RNF214: variants seen among roughly 807,000 people sequenced by gnomAD.
The protein encoded by RNF214 is ring finger protein 214.
Under a neutral mutation model 75.9 loss-of-function variants are expected in RNF214, and 25 were observed. The ratio of observed to expected loss-of-function variants is 0.33; its 90% CI spans 0.24 to 0.46. The LOEUF (loss-of-function observed/expected upper bound fraction) is 0.46. Among genes scored for constraint, RNF214 ranks in the 20% least tolerant of loss-of-function variants. The pLI is 1.00. For synonymous variants in RNF214, 314 were observed against 308.8 expected, an observed-to-expected ratio of 1.02 and a Z score of -0.18; for missense variants, 725 against 857.5, an observed-to-expected ratio of 0.85 and a Z score of 1.93.
chr11:117,285,327 G>A lies in RNF214; in HGVS notation c.*176G>A, dbSNP rs1203615008. The A allele has an allele frequency of 9.5e-6, 5 of 525,128 alleles. No homozygotes were observed. In the Admixed American group the frequency reaches 1.4e-4, roughly 15 times the overall value. 32.5% of individuals were successfully genotyped at this position (525,128 alleles called of 1,614,324 possible). A position where few individuals can be genotyped will look rare whatever the true frequency, so the allele number is the denominator to read the frequency against. On this transcript the variant is annotated 3_prime_UTR_variant, in exon 15 of 15. Coordinates refer to ENST00000300650, the MANE Select transcript of RNF214 (RefSeq NM_207343.4). ...TTCCAATGTTCGTAAATGAAACTATGTATATTATGCAGAAACAGTCTGTTC... is the reference window on the plus strand; with the variant it reads ...TTCCAATGTTCGTAAATGAAACTATATATATTATGCAGAAACAGTCTGTTC...
At chr11:117,233,053 TCGCC>T (rs2032761747) in intron 1 of RNF214, among the ~76,000 whole-genome samples, 1 of 151,990 alleles carries the variant, frequency 6.6e-6, no homozygotes, top group Non-Finnish European at 1.5e-5. Flanking sequence ...TCCCCTGTTC[TCGCC>T]CGAGGACCCG....
In RNF214 at chr11:117,264,980, A is replaced by G. The variant is rs1314028958; in HGVS notation, c.960-14928A>G. On this transcript the variant is annotated intron_variant, in intron 6 of 14. Transcript: ENST00000300650. ...TACTTGGGGAGGCTGAGGCAGGAGA[A>G]TTGCTTAAACCCAGGAGGCGGAGGT... Among the ~76,000 whole-genome samples the G allele has an allele frequency of 4.0e-5, 6 of 151,774 alleles. No homozygotes were observed. The East Asian group carries it at 7.7e-4, about 20-fold the overall frequency.
At chr11:117,253,516 C>G (rs1202620095) in intron 6 of RNF214, among the ~76,000 whole-genome samples, 1 of 152,168 alleles carries the variant, frequency 6.6e-6, no homozygotes, top group Non-Finnish European at 1.5e-5. Context: ...TCTTCCAGTG[C>G]AGAACCTCTT....
intron 6 of RNF214, among the ~76,000 whole-genome samples, chr11:117,279,702 C>G (rs1465310656): frequency 3.3e-5 from 5 of 152,206 alleles, no homozygotes; most frequent in Admixed American, 1.3e-4. Flanking sequence ...CATTATTTGT[C>G]TGTATCTATA....
intron 6 of RNF214, among the ~76,000 whole-genome samples, chr11:117,248,841 A>G (rs980016654): frequency 6.6e-6 from 1 of 152,230 alleles, no homozygotes; most frequent in Non-Finnish European, 1.5e-5. Flanking sequence ...ACTTAACAGG[A>G]GATATTAAAG....
chr11:117,283,264 A>G, intron 14 of RNF214, 54 bp downstream of exon 14: 6 of 1,238,594 alleles, frequency 4.8e-6, no homozygotes, highest in South Asian at 3.8e-5. Context: ...GACAGCTAAA[A>G]TAATTTTTCT....
chr11:117,244,361 C>G, intron 4 of RNF214, 84 bp from the exon 5 acceptor site: 1 of 1,145,820 alleles, frequency 8.7e-7, no homozygotes, highest in East Asian at 2.4e-5. Flanking sequence ...TCATAGAGCT[C>G]TATACAATGC....
intron 6 of RNF214, chr11:117,263,886 A>C: frequency 3.5e-6 from 1 of 285,086 alleles, no homozygotes; most frequent in South Asian, 3.1e-5. Flanking sequence ...CAGGACACAC[A>C]GCAGTCTCCT....
Position 117,285,153 on chromosome 11 carries a change from G to A in RNF214, c.*2G>A, listed in dbSNP as rs200783392. 6.2e-6 allele frequency: 10 copies of A among 1,603,372 alleles called. No individual in the cohort carries two copies. In the East Asian group the frequency reaches 1.6e-4, roughly 25 times the overall value. On this transcript the variant is annotated 3_prime_UTR_variant, in exon 15 of 15. Transcript: ENST00000300650. ...CCCTTTTGTCCAACTCTTAAATGAC[G>A]GACCTGACTGGGGAGGAAGAAGAAG...
At chr11:117,240,461 G>A (rs1347169939) in intron 4 of RNF214, among the ~76,000 whole-genome samples, 2 of 151,840 alleles carry the variant, frequency 1.3e-5, no homozygotes, top group Non-Finnish European at 2.9e-5. Context: ...GCCAAGGCAG[G>A]TGGATCACCT....
At chr11:117,235,941 G>A (rs2032895915) in intron 2 of RNF214, among the ~76,000 whole-genome samples, 1 of 151,780 alleles carries the variant, frequency 6.6e-6, no homozygotes, top group Non-Finnish European at 1.5e-5. Flanking sequence ...ACATAAAGAG[G>A]CTGACTGTGT....
At chr11:117,272,218 C>A (rs890043579) in intron 6 of RNF214, among the ~76,000 whole-genome samples, 1 of 152,140 alleles carries the variant, frequency 6.6e-6, no homozygotes, top group Non-Finnish European at 1.5e-5. Flanking sequence ...CACAGTGAAA[C>A]CCTGTCTCTA....
chr11:117,244,925 G>A (rs536011106), intron 5 of RNF214, among the ~76,000 whole-genome samples: 76 of 151,778 alleles, frequency 5.0e-4, no homozygotes, highest in Non-Finnish European at 9.4e-4. Context: ...CTTGGCCTCC[G>A]AAAGGAGGCC....
intron 2 of RNF214, among the ~76,000 whole-genome samples, chr11:117,237,838 C>G (rs2032952802): frequency 6.6e-6 from 1 of 152,028 alleles, no homozygotes; most frequent in South Asian, 2.1e-4. Flanking sequence ...GTTCTATACT[C>G]TGGAAAACTG....
chr11:117,278,899 T>A (rs2034069898), intron 6 of RNF214, among the ~76,000 whole-genome samples: 2 of 152,144 alleles, frequency 1.3e-5, no homozygotes, highest in African/African-American at 4.8e-5. Flanking sequence ...GAGAACAGCC[T>A]GTAGAACAAA....
intron 6 of RNF214, among the ~76,000 whole-genome samples, chr11:117,260,997 A>G (rs1365177501): frequency 2.6e-5 from 4 of 151,082 alleles, no homozygotes; most frequent in African/African-American, 9.7e-5. Context: ...GAGTACACAC[A>G]GTTTTATCTT....
chr11:117,248,401 C>G (rs137943448), intron 6 of RNF214, among the ~76,000 whole-genome samples: 1 of 152,154 alleles, frequency 6.6e-6, no homozygotes, highest in Non-Finnish European at 1.5e-5. Flanking sequence ...TTAAAATGAC[C>G]TGTTTGGAAA....
At chr11:117,235,633 A>C (rs191838309) in intron 2 of RNF214, among the ~76,000 whole-genome samples, 1 of 151,440 alleles carries the variant, frequency 6.6e-6, no homozygotes. Flanking sequence ...CAGCCTCCCA[A>C]GTAGCTAGGA....
chr11:117,241,896 G>A (rs1173993856), intron 4 of RNF214, among the ~76,000 whole-genome samples: 1 of 152,094 alleles, frequency 6.6e-6, no homozygotes, highest in East Asian at 1.9e-4. Flanking sequence ...TACAGATACA[G>A]TATAATTACT....
Sources: gnomAD v4.1 joint callset for allele counts (sites outside exome capture counted in the v4.1 genomes callset) on GRCh38, gnomAD v4.1.1 for gene constraint, MANE v1.5 for transcripts, NCBI Gene and HGNC (gene_info 2026-07-23, HGNC 2026-07-21) for gene names.